PHF24: variants seen among roughly 807,000 people sequenced by gnomAD.
PHF24 encodes Galpha inhibitory interacting protein.
In PHF24, 25 loss-of-function variants were observed where a neutral mutation model predicts 42.6. That is an observed-to-expected ratio of 0.59 (90% CI 0.43 to 0.82). PHF24 has a LOEUF of 0.82. Among genes scored for constraint, PHF24 ranks in the 40% least tolerant of loss-of-function variants. PHF24 has a pLI of 0.00. For synonymous variants in PHF24, 185 were observed against 204.8 expected, an observed-to-expected ratio of 0.90 and a Z score of 0.83; for missense variants, 470 against 538.1, an observed-to-expected ratio of 0.87 and a Z score of 1.25.
At chr9:34,695,964 A>G in the PHF24 span, among the ~76,000 whole-genome samples, 4 of 152,246 alleles carry the variant, frequency 2.6e-5, no homozygotes, top group African/African-American at 9.6e-5. Context: ...AAGAAGACAC[A>G]AGTAATCTGG....
At chr9:34,820,258 G>T in the PHF24 span, among the ~76,000 whole-genome samples, 1 of 151,786 alleles carries the variant, frequency 6.6e-6, no homozygotes, top group Non-Finnish European at 1.5e-5. Context: ...TAGGTTAAGG[G>T]GGTACATGTG....
At chr9:34,928,123 G>A in the PHF24 span, among the ~76,000 whole-genome samples, 4 of 151,770 alleles carry the variant, frequency 2.6e-5, no homozygotes, top group Admixed American at 2.0e-4. Context: ...GGCTGAGACA[G>A]GAGAGTCGCT....
At chr9:34,751,664 A>C in the PHF24 span, among the ~76,000 whole-genome samples, 1 of 152,210 alleles carries the variant, frequency 6.6e-6, no homozygotes, top group African/African-American at 2.4e-5. Flanking sequence ...ATCAACAAAG[A>C]AAAATCAGAC....
chr9:34,835,171 C>A, the PHF24 span: 9 of 1,549,460 alleles, frequency 5.8e-6, no homozygotes, highest in Non-Finnish European at 7.9e-6. Context: ...TCATTGTGGA[C>A]CATTCAGAAA....
the PHF24 span, among the ~76,000 whole-genome samples, chr9:34,813,302 A>G: frequency 6.6e-6 from 1 of 152,138 alleles, no homozygotes; most frequent in Non-Finnish European, 1.5e-5. Flanking sequence ...ATGCATTGCT[A>G]CCTGACAAAC....
the PHF24 span, among the ~76,000 whole-genome samples, chr9:34,736,972 T>C: frequency 6.6e-6 from 1 of 152,186 alleles, no homozygotes; most frequent in Non-Finnish European, 1.5e-5. Context: ...CTTCAAAAAG[T>C]GGGCTGCCAA....
the PHF24 span, among the ~76,000 whole-genome samples, chr9:34,929,232 C>G: frequency 6.6e-6 from 1 of 152,286 alleles, no homozygotes; most frequent in Non-Finnish European, 1.5e-5. Context: ...AGGGAGTTTC[C>G]CCTTTATCAT....
chr9:34,906,593 G>A, the PHF24 span, among the ~76,000 whole-genome samples: 2 of 143,402 alleles, frequency 1.4e-5, no homozygotes, highest in East Asian at 2.1e-4. Context: ...GCAGTGAGCC[G>A]AGATCACGCC....
chr9:34,668,866 G>A, the PHF24 span, among the ~76,000 whole-genome samples: 7 of 141,938 alleles, frequency 4.9e-5, no homozygotes. Flanking sequence ...TGAGACAAAT[G>A]TGTATCTGAT....
At chr9:34,764,911 A>G in the PHF24 span, among the ~76,000 whole-genome samples, 27,351 of 148,830 alleles carry the variant, frequency 0.18, 2,856 homozygotes, top group African/African-American at 0.28. Flanking sequence ...CTTTGTTCTC[A>G]TTGGTTTCAA....
At chr9:34,873,586 C>A in the PHF24 span, among the ~76,000 whole-genome samples, 15 of 151,814 alleles carry the variant, frequency 9.9e-5, no homozygotes, top group African/African-American at 3.6e-4. Context: ...GTAACAGTAC[C>A]ATGCTGTTTT....
chr9:34,849,028 G>T, the PHF24 span, among the ~76,000 whole-genome samples: 163 of 152,284 alleles, frequency 1.1e-3, 2 homozygotes, highest in African/African-American at 3.4e-3. Flanking sequence ...CAACTATGTG[G>T]TCAATTTTGG....
At chr9:34,883,075 C>T in the PHF24 span, among the ~76,000 whole-genome samples, 1 of 152,162 alleles carries the variant, frequency 6.6e-6, no homozygotes, top group African/African-American at 2.4e-5. Context: ...CTACAACTAT[C>T]TGATCTTTGA....
At chr9:34,710,769 CG>C in the PHF24 span, among the ~76,000 whole-genome samples, 1 of 152,038 alleles carries the variant, frequency 6.6e-6, no homozygotes, top group Non-Finnish European at 1.5e-5. Flanking sequence ...CCACTACGTC[CG>C]GCTACTGTTT....
chr9:34,728,098 A>G, the PHF24 span: 18 of 1,551,454 alleles, frequency 1.2e-5, no homozygotes, highest in Non-Finnish European at 1.6e-5. Context: ...GAACGGGGAG[A>G]CAGTGTTATA....
At chr9:34,805,885 A>C in the PHF24 span, among the ~76,000 whole-genome samples, 1 of 152,178 alleles carries the variant, frequency 6.6e-6, no homozygotes, top group African/African-American at 2.4e-5. Flanking sequence ...GTATGGTGTG[A>C]GGTAAGGGTC....
At chr9:34,800,718 G>C in the PHF24 span, among the ~76,000 whole-genome samples, 1 of 152,128 alleles carries the variant, frequency 6.6e-6, no homozygotes, top group Non-Finnish European at 1.5e-5. Context: ...AAAAACCCTA[G>C]AAGAAAACCT....
chr9:34,673,811 C>T, the PHF24 span, among the ~76,000 whole-genome samples: 3 of 152,084 alleles, frequency 2.0e-5, no homozygotes, highest in Non-Finnish European at 2.9e-5. Flanking sequence ...TTAGTAGAGA[C>T]GGGGTTTCAC....
chr9:34,735,522 C>T, the PHF24 span, among the ~76,000 whole-genome samples: 8 of 151,104 alleles, frequency 5.3e-5, no homozygotes, highest in East Asian at 4.0e-4. Flanking sequence ...CAAAGCAGGC[C>T]GGGCACGGTG....
Sources: gnomAD v4.1 joint callset for allele counts (sites outside exome capture counted in the v4.1 genomes callset) on GRCh38, gnomAD v4.1.1 for gene constraint, MANE v1.5 for transcripts, NCBI Gene and HGNC (gene_info 2026-07-23, HGNC 2026-07-21) for gene names.